The following RBFOX3 variants were observed in gnomAD, a reference collection of about 807,000 sequenced individuals.
The protein encoded by RBFOX3 is RNA binding fox-1 homolog 3.
In RBFOX3, 17 loss-of-function variants were observed where a neutral mutation model predicts 48.7. That is an observed-to-expected ratio of 0.35 (90% CI 0.24 to 0.52). The LOEUF (loss-of-function observed/expected upper bound fraction) is 0.52, where lower values mean the gene tolerates loss of function less well. Among genes scored for constraint, RBFOX3 ranks in the 20% least tolerant of loss-of-function variants. The pLI is 0.94. For synonymous variants in RBFOX3, 212 were observed against 209.5 expected (o/e 1.01, Z -0.10); for missense variants, 382 against 497.5 (o/e 0.77, Z 2.21).
intron 4 of RBFOX3, among the ~76,000 whole-genome samples, chr17:79,145,944 T>G (rs2042955008): frequency 6.6e-6 from 1 of 152,026 alleles, no homozygotes; most frequent in Non-Finnish European, 1.5e-5. Context: ...GGAGGGATGG[T>G]TTTGGAATGA....
intron 4 of RBFOX3, among the ~76,000 whole-genome samples, chr17:79,176,014 G>T (rs1161743567): frequency 6.6e-6 from 1 of 152,206 alleles, no homozygotes; most frequent in Non-Finnish European, 1.5e-5. Context: ...TGACTGAGTT[G>T]TGTCTGTGAA....
chr17:79,562,429 G>A lies in RBFOX3; in HGVS notation c.-320+48397C>T, dbSNP rs2092278581. On this transcript the variant is annotated intron_variant, in intron 1 of 14. Transcript: ENST00000693108. ...GCATGTTGGGTTTCGCTGGATGCTAGAGATTAGATTGCATCTGTCTGGATA... is the reference window on the plus strand; with the variant it reads ...GCATGTTGGGTTTCGCTGGATGCTAAAGATTAGATTGCATCTGTCTGGATA... Among the ~76,000 whole-genome samples, 2 of 152,220 alleles carry A rather than the reference G, an allele frequency of 1.3e-5. 1 individual carries two copies. The highest frequency in any genetic ancestry group is 4.8e-5 in the African/African-American group (2 of 41,444).
chr17:79,517,771 G>T (rs944411039), intron 1 of RBFOX3, among the ~76,000 whole-genome samples: 2 of 152,086 alleles, frequency 1.3e-5, no homozygotes, highest in African/African-American at 4.8e-5. Flanking sequence ...CGGTAACATC[G>T]ACGGAAACAT....
chr17:79,656,647 GAAA>G, the RBFOX3 span, among the ~76,000 whole-genome samples: 33 of 141,190 alleles, frequency 2.3e-4, no homozygotes, highest in African/African-American at 8.8e-4. Flanking sequence ...AGGAAGAGAA[GAAA>G]GAAAGGAAGA....
chr17:79,248,561 G>A (rs1220928080), intron 3 of RBFOX3, among the ~76,000 whole-genome samples: 1 of 152,212 alleles, frequency 6.6e-6, no homozygotes, highest in Non-Finnish European at 1.5e-5. Context: ...CCCAACCTAA[G>A]CTAGTTTCCC....
At chr17:79,603,613 T>C in intron 1 of RBFOX3, 1 of 152,386 alleles carries the variant, frequency 6.6e-6, no homozygotes, top group Non-Finnish European at 1.5e-5. Flanking sequence ...CAAGTTTATC[T>C]TTTAAAGCGA....
chr17:79,375,459 C>T (rs1374881786), intron 2 of RBFOX3, among the ~76,000 whole-genome samples: 3 of 151,432 alleles, frequency 2.0e-5, no homozygotes. Context: ...TGAGGGTAAT[C>T]AGGGATAACA....
chr17:79,610,110 G>GCGCCGCT (rs1390156179), intron 1 of RBFOX3, among the ~76,000 whole-genome samples: 4 of 151,796 alleles, frequency 2.6e-5, no homozygotes, highest in Non-Finnish European at 5.9e-5. Context: ...AGGGCCCTGC[G>GCGCCGCT]CGCCGCTCGC....
chr17:79,101,703 C>CTG, intron 8 of RBFOX3, 59 bp from the exon 9 acceptor site: 1 of 1,432,918 alleles, frequency 7.0e-7, no homozygotes, highest in Non-Finnish European at 9.6e-7. Flanking sequence ...GGAAGACCCA[C>CTG]TGGCCACTCC....
the RBFOX3 span, among the ~76,000 whole-genome samples, chr17:79,617,895 G>A: frequency 4.6e-5 from 7 of 152,218 alleles, no homozygotes; most frequent in East Asian, 3.8e-4. Flanking sequence ...CTGCCCCGCC[G>A]CCTCTTGTGT....
intron 2 of RBFOX3, among the ~76,000 whole-genome samples, chr17:79,397,490 C>CCA (rs778107808): frequency 4.7e-5 from 4 of 84,578 alleles, no homozygotes; most frequent in Non-Finnish European, 8.4e-5. Flanking sequence ...AGGACTCCAT[C>CCA]CCCAAAAAAA....
chr17:79,545,018 C>T (rs1300562716), intron 1 of RBFOX3, among the ~76,000 whole-genome samples: 1 of 150,924 alleles, frequency 6.6e-6, no homozygotes, highest in African/African-American at 2.4e-5. Context: ...AAAGCTCGCT[C>T]CTACAAATAA....
At chr17:79,277,076 C>T (rs960697600) in intron 3 of RBFOX3, among the ~76,000 whole-genome samples, 10 of 152,342 alleles carry the variant, frequency 6.6e-5, no homozygotes, top group East Asian at 3.9e-4. Flanking sequence ...CCTGGAAGGT[C>T]GGTGGGTGAC....
intron 4 of RBFOX3, among the ~76,000 whole-genome samples, chr17:79,131,571 GTC>G (rs1250862071): frequency 1.7e-4 from 26 of 152,318 alleles, no homozygotes; most frequent in Non-Finnish European, 3.1e-4. Context: ...CCTGGGCCTG[GTC>G]TCTCACACGT....
chr17:79,530,441 T>A (rs1391015158), intron 1 of RBFOX3, among the ~76,000 whole-genome samples: 1 of 151,966 alleles, frequency 6.6e-6, no homozygotes. Context: ...GAGCCGTGCC[T>A]CCTCCGCCTT....
chr17:79,466,005 G>A (rs1196532352), intron 2 of RBFOX3, among the ~76,000 whole-genome samples: 17 of 152,332 alleles, frequency 1.1e-4, no homozygotes, highest in Admixed American at 6.5e-4. Flanking sequence ...GGATCTCCCA[G>A]CCCAGAGGTC....
intron 2 of RBFOX3, among the ~76,000 whole-genome samples, chr17:79,345,932 GT>G (rs2082846020): frequency 6.6e-6 from 1 of 151,910 alleles, no homozygotes; most frequent in African/African-American, 2.4e-5. Context: ...TTGTTTGTTT[GT>G]TTTGTTTTTT....
chr17:79,380,317 T>C (rs1279858289), intron 2 of RBFOX3, among the ~76,000 whole-genome samples: 3 of 152,274 alleles, frequency 2.0e-5, no homozygotes, highest in Admixed American at 1.3e-4. Flanking sequence ...ACTACGGCTC[T>C]GCCTAATCAA....
At position 79,538,860 on chromosome 17, in the gene RBFOX3, T is replaced by C. The variant is rs529453498; in HGVS notation, c.-319-56262A>G. On this transcript the variant is annotated intron_variant, in intron 1 of 14. Transcript: ENST00000693108. The stretch of plus-strand genomic sequence containing the variant: ...TGTATGTAAAGTCAAAGCATGGGTA[T>C]GGCCCATATGTAAAGAGTGCCCTGA... 1.6e-3 allele frequency among the ~76,000 whole-genome samples: 245 copies of C among 152,296 alleles called. 2 individuals carry two copies. The highest frequency in any genetic ancestry group is 5.8e-3 in the African/African-American group (241 of 41,562).
Sources: gnomAD v4.1 joint callset for allele counts (sites outside exome capture counted in the v4.1 genomes callset) on GRCh38, gnomAD v4.1.1 for gene constraint, MANE v1.5 for transcripts, NCBI Gene and HGNC (gene_info 2026-07-23, HGNC 2026-07-21) for gene names.